The following SPRED1 variants were observed in gnomAD, a reference collection of about 807,000 sequenced individuals.
The protein encoded by SPRED1 is sprouty related EVH1 domain containing 1.
A neutral mutation model predicts 52.3 loss-of-function variants in SPRED1; 18 were observed. That is an observed-to-expected ratio of 0.34 (90% CI 0.24 to 0.51). The LOEUF is 0.51. SPRED1 is among the 20% of genes least tolerant of loss of function. The pLI is 0.97. For synonymous variants in SPRED1, 155 were observed against 179.7 expected (o/e 0.86, Z 1.10); for missense variants, 485 against 551.0 (o/e 0.88, Z 1.20).
rs58636340 is a variant in SPRED1, at chr15:38,273,520, AATATATATATATATAT to A, written c.32+20326_32+20341del. Among the ~76,000 whole-genome samples, 1,203 of 142,960 alleles carry A rather than the reference AATATATATATATATAT, an allele frequency of 8.4e-3. 17 individuals carry two copies. Among genetic ancestry groups the A allele is most frequent in the African/African-American group, 0.03 (1,139 of 38,414 alleles). The allele number at this position is 142,960 out of a possible 152,430, so 93.8% of individuals were successfully genotyped here. A position where few individuals can be genotyped will look rare whatever the true frequency, so the allele number is the denominator to read the frequency against. ...TTAATTTTTATTTTTATGTATTATT[AATATATATATATATAT>A]ATATATATATATATATATATATGAA... On this transcript the variant is annotated intron_variant, in intron 1 of 6. Coordinates refer to ENST00000299084, the MANE Select transcript of SPRED1 (RefSeq NM_152594.3).
intron 1 of SPRED1, among the ~76,000 whole-genome samples, chr15:38,278,362 A>G (rs1894605713): frequency 6.6e-6 from 1 of 152,226 alleles, no homozygotes; most frequent in African/African-American, 2.4e-5. Context: ...GCGAGCCTAT[A>G]GTCTCAGCTA....
intron 1 of SPRED1, among the ~76,000 whole-genome samples, chr15:38,255,714 T>C (rs1432034348): frequency 6.6e-6 from 1 of 152,210 alleles, no homozygotes; most frequent in Non-Finnish European, 1.5e-5. Flanking sequence ...ATACGTATCA[T>C]GGCAGAAGCC....
At chr15:38,344,659 A>T (rs1314208163) in intron 5 of SPRED1, among the ~76,000 whole-genome samples, 1 of 152,150 alleles carries the variant, frequency 6.6e-6, no homozygotes, top group Non-Finnish European at 1.5e-5. Flanking sequence ...GGTTCTTTGT[A>T]GCTTAGTATC....
In SPRED1 at chr15:38,352,778, T is replaced by G. The variant is rs141742028; in HGVS notation, c.*1114T>G. On this transcript the variant is annotated 3_prime_UTR_variant, in exon 7 of 7. Transcript: ENST00000299084. ...AGCTTAATCCTCAGTGCTTATTATT[T>G]ACATAACAATAACTTTTTATCAGTT... is the stretch of plus-strand genomic sequence containing the variant. 4 of 152,262 alleles carry G rather than the reference T, an allele frequency of 2.6e-5. No individual in the cohort carries two copies. The East Asian group carries it at 5.8e-4, about 22-fold the overall frequency. The allele number at this position is 152,262 out of a possible 1,614,324, so 9.4% of individuals were successfully genotyped here.
In SPRED1 at chr15:38,339,824, T is replaced by C. The variant is rs376527959; in HGVS notation, c.511T>C (p.Ser171Pro). The C allele has an allele frequency of 9.6e-5, 155 of 1,613,798 alleles. No homozygotes were observed. Among genetic ancestry groups the C allele is most frequent in the Non-Finnish European group, 1.3e-4 (149 of 1,179,932 alleles). The change falls in exon 5 of 7, where the codon TCA (serine) becomes CCA (proline). Residue 171 changes from serine to proline, a missense_variant. Physicochemically the swap from Ser to Pro is moderately conservative, Grantham distance 74. Transcript: ENST00000299084. ...TGTTACCAGTGAGCCTTATAGAAGC[T>C]CAAATATAAGACCTTCTCCCTTTGA... Reference protein sequence around the residue: ...TVVTSEPYRSSNIRPSPFEDL... With the variant: ...TVVTSEPYRSPNIRPSPFEDL...
intron 4 of SPRED1, among the ~76,000 whole-genome samples, chr15:38,338,320 A>G (rs1344509431): frequency 7.8e-6 from 1 of 127,584 alleles, no homozygotes; most frequent in African/African-American, 2.9e-5. Context: ...TTCTCCCAGT[A>G]TTCTATTCAG....
rs1402155820 is a variant in SPRED1, at chr15:38,280,470, A to G, written c.33-18903A>G. On this transcript the variant is annotated intron_variant, in intron 1 of 6. Coordinates refer to ENST00000299084, the MANE Select transcript of SPRED1 (RefSeq NM_152594.3). Reference sequence around the variant, plus strand: ...GTACAGAAAAGATAACCTTATCTATATCCTTATCCAGAATTGACATGGATA... The same window carrying G: ...GTACAGAAAAGATAACCTTATCTATGTCCTTATCCAGAATTGACATGGATA... Among the ~76,000 whole-genome samples the G allele has an allele frequency of 2.6e-5, 4 of 152,206 alleles. No homozygotes were observed. The East Asian group carries it at 7.7e-4, about 29-fold the overall frequency.
chr15:38,263,553 G>A (rs1894245703), intron 1 of SPRED1, among the ~76,000 whole-genome samples: 2 of 152,134 alleles, frequency 1.3e-5, no homozygotes. Flanking sequence ...AGCTCTGAGA[G>A]GAAAGTATTT....
chr15:38,300,847 G>C (rs541529517), intron 2 of SPRED1, among the ~76,000 whole-genome samples: 1 of 152,212 alleles, frequency 6.6e-6, no homozygotes, highest in East Asian at 1.9e-4. Context: ...TTTAAGCCTG[G>C]AGACATCTAA....
At chr15:38,317,801 C>CT (rs34731985) in intron 2 of SPRED1, among the ~76,000 whole-genome samples, 1,873 of 139,884 alleles carry the variant, frequency 0.013, 33 homozygotes, top group African/African-American at 0.033. Context: ...TTTCTGCTTT[C>CT]TTTTTTTTTT....
intron 2 of SPRED1, among the ~76,000 whole-genome samples, chr15:38,315,042 A>G (rs150334992): frequency 1.3e-5 from 2 of 152,082 alleles, no homozygotes; most frequent in Non-Finnish European, 2.9e-5. Flanking sequence ...ATTTGATAAC[A>G]TAATTCTATA....
rs954831644 is a variant in SPRED1 at position 38,327,693 on chromosome 15, C to T, written c.423+2884C>T. Among the ~76,000 whole-genome samples the T allele has an allele frequency of 2.0e-5, 3 of 152,224 alleles. 1 individual carries two copies. Among genetic ancestry groups the T allele is most frequent in the African/African-American group, 7.2e-5 (3 of 41,466 alleles). ...ACAAGCCTTCAGATAATTACAGCCA[C>T]TGCTAATATCCTGACTAGAACTTCA... On this transcript the variant is annotated intron_variant, in intron 4 of 6. Coordinates refer to ENST00000299084, the MANE Select transcript of SPRED1 (RefSeq NM_152594.3).
intron 2 of SPRED1, among the ~76,000 whole-genome samples, chr15:38,311,034 C>A (rs756196128): frequency 8.5e-5 from 13 of 152,240 alleles, no homozygotes; most frequent in Non-Finnish European, 7.4e-5. Flanking sequence ...CAGATATTAA[C>A]CAAAACACAT....
intron 1 of SPRED1, among the ~76,000 whole-genome samples, chr15:38,288,113 T>A (rs1298450825): frequency 6.6e-6 from 1 of 152,110 alleles, no homozygotes; most frequent in East Asian, 1.9e-4. Flanking sequence ...CTCTCTATCA[T>A]TAAGAGTTGC....
intron 2 of SPRED1, among the ~76,000 whole-genome samples, chr15:38,321,516 GT>G (rs1329931705): frequency 6.6e-6 from 1 of 152,098 alleles, no homozygotes; most frequent in Non-Finnish European, 1.5e-5. Context: ...AAGTGTATTT[GT>G]TTTACTGCTG....
intron 1 of SPRED1, among the ~76,000 whole-genome samples, chr15:38,269,819 T>C (rs1894392013): frequency 6.6e-6 from 1 of 152,202 alleles, no homozygotes; most frequent in Non-Finnish European, 1.5e-5. Flanking sequence ...GAGTTAAATT[T>C]TAAATTTTAT....
At chr15:38,271,284 A>G (rs1894429106) in intron 1 of SPRED1, among the ~76,000 whole-genome samples, 1 of 152,224 alleles carries the variant, frequency 6.6e-6, no homozygotes, top group South Asian at 2.1e-4. Context: ...TGGTAATTAA[A>G]TGTTTCAGTG....
At chr15:38,313,131 A>G (rs908924294) in intron 2 of SPRED1, among the ~76,000 whole-genome samples, 3 of 152,050 alleles carry the variant, frequency 2.0e-5, no homozygotes, top group Non-Finnish European at 2.9e-5. Context: ...AAGAACAAGG[A>G]TATTCTCTTA....
At chr15:38,328,674 G>T (rs1318303505) in intron 4 of SPRED1, among the ~76,000 whole-genome samples, 4 of 151,928 alleles carry the variant, frequency 2.6e-5, no homozygotes. Flanking sequence ...CTTTTCATTT[G>T]GTTTCTTTTC....
Sources: allele counts gnomAD v4.1 joint callset (sites outside exome capture counted in the v4.1 genomes callset), GRCh38; gene constraint gnomAD v4.1.1; transcripts MANE v1.5; gene names NCBI Gene and HGNC (gene_info 2026-07-23, HGNC 2026-07-21).